KSR2: variants seen among roughly 807,000 people sequenced by gnomAD.
KSR2 encodes kinase suppressor of ras 2.
Under a neutral mutation model 107.8 loss-of-function variants are expected in KSR2, and 25 were observed. The observed-to-expected ratio is 0.23, with a 90% CI of 0.17 to 0.32. KSR2 has a LOEUF of 0.32. Among genes scored for constraint, KSR2 ranks in the 10% least tolerant of loss-of-function variants. The probability of loss-of-function intolerance (pLI) is 1.00; values close to 1 mark genes in which losing one functional copy is unlikely to be tolerated. For synonymous variants in KSR2, 480 were observed against 507.0 expected, an observed-to-expected ratio of 0.95 and a Z score of 0.71; for missense variants, 887 against 1,268.9, an observed-to-expected ratio of 0.70 and a Z score of 4.57.
chr12:117,540,691 A>AGAT (rs765715505), intron 9 of KSR2, among the ~76,000 whole-genome samples: 3,152 of 152,294 alleles, frequency 0.021, 54 homozygotes, highest in Non-Finnish European at 0.033. Context: ...TCATGTGAAG[A>AGAT]TGGAGGGAGA....
rs1874070614 is a variant in KSR2, at chr12:117,512,264, C to T, written c.2219+12588G>A. 2.0e-5 allele frequency among the ~76,000 whole-genome samples: 3 copies of T among 152,194 alleles called. No individual in the cohort carries two copies. In the South Asian group the frequency reaches 6.2e-4, roughly 32 times the overall value. On this transcript the variant is annotated intron_variant, in intron 14 of 19. Transcript: ENST00000339824. The stretch of plus-strand genomic sequence containing the variant: ...ACCAGCCTCTAAGCTGCTGACCACT[C>T]CCCTTGCTGGACACTGAGTGTCCCA...
At chr12:117,935,526 C>A (rs1351376646) in intron 1 of KSR2, among the ~76,000 whole-genome samples, 1 of 152,072 alleles carries the variant, frequency 6.6e-6, no homozygotes, top group East Asian at 1.9e-4. Flanking sequence ...TTTGGGAGGC[C>A]GAGGTGGGTG....
chr12:117,862,272 T>G (rs1418878911), intron 1 of KSR2, among the ~76,000 whole-genome samples: 1 of 152,068 alleles, frequency 6.6e-6, no homozygotes, highest in Non-Finnish European at 1.5e-5. Context: ...TAAAGATAAT[T>G]AAATAAAACA....
At chr12:117,530,892 C>A in intron 12 of KSR2, 49 bp downstream of exon 12, 1 of 1,520,170 alleles carries the variant, frequency 6.6e-7, no homozygotes, top group South Asian at 1.1e-5. Flanking sequence ...ATTGTAGGGC[C>A]AGGGCTGGGA....
intron 14 of KSR2, among the ~76,000 whole-genome samples, chr12:117,502,259 G>A (rs1392662596): frequency 6.6e-6 from 1 of 152,144 alleles, no homozygotes; most frequent in East Asian, 1.9e-4. Context: ...GTGGACTCAC[G>A]TGTGTAGGGG....
At chr12:117,659,700 G>A (rs970217526) in intron 5 of KSR2, among the ~76,000 whole-genome samples, 2 of 152,168 alleles carry the variant, frequency 1.3e-5, no homozygotes, top group Non-Finnish European at 2.9e-5. Flanking sequence ...TGTAAAACAA[G>A]GGGCTGGACT....
intron 5 of KSR2, among the ~76,000 whole-genome samples, chr12:117,646,594 A>C (rs1883654620): frequency 6.6e-6 from 1 of 152,098 alleles, no homozygotes; most frequent in Non-Finnish European, 1.5e-5. Flanking sequence ...CTCCAGCTGG[A>C]AGCAGGCCAA....
intron 4 of KSR2, among the ~76,000 whole-genome samples, chr12:117,743,206 G>A (rs17511270): frequency 0.082 from 12,519 of 152,254 alleles, 601 homozygotes; most frequent in Middle Eastern, 0.15. Context: ...TCATTACACC[G>A]TTTAGGTTTT....
chr12:117,841,880 A>G (rs1420858065), intron 3 of KSR2, among the ~76,000 whole-genome samples: 1 of 152,246 alleles, frequency 6.6e-6, no homozygotes, highest in Non-Finnish European at 1.5e-5. Flanking sequence ...TGAAGAATTA[A>G]ATGAGCAGGT....
chr12:117,753,995 TGTGTG>T (rs1227099436), intron 4 of KSR2, among the ~76,000 whole-genome samples: 8 of 136,336 alleles, frequency 5.9e-5, no homozygotes, highest in Admixed American at 7.5e-5. Context: ...TGTGTGTGTG[TGTGTG>T]TTTTAGGAAT....
Position 117,870,188 on chromosome 12 carries a change from A to T in KSR2, c.181-9757T>A, listed in dbSNP as rs148158337. The stretch of plus-strand genomic sequence containing the variant: ...TTCATCTTAGGAAGCCTTCTAAGTG[A>T]ATTCCCGAATTCTAGCTCTGAGGTT... On this transcript the variant is annotated intron_variant, in intron 1 of 19. Transcript: ENST00000339824. Among the ~76,000 whole-genome samples, 504 of 152,324 alleles carry T rather than the reference A, an allele frequency of 3.3e-3. 5 individuals carry two copies. The highest frequency in any genetic ancestry group is 0.024 in the Middle Eastern group (7 of 294).
intron 14 of KSR2, among the ~76,000 whole-genome samples, chr12:117,517,038 T>A (rs1874418844): frequency 6.6e-6 from 1 of 152,134 alleles, no homozygotes; most frequent in South Asian, 2.1e-4. Context: ...CCATAGGATG[T>A]TCCATGCCCC....
intron 14 of KSR2, among the ~76,000 whole-genome samples, chr12:117,490,343 A>G (rs1332131589): frequency 1.3e-5 from 2 of 152,194 alleles, no homozygotes; most frequent in African/African-American, 2.4e-5. Flanking sequence ...TGTCTGTAAA[A>G]TGGGCACAGC....
chr12:117,650,677 G>A (rs76728061), intron 5 of KSR2, among the ~76,000 whole-genome samples: 4,700 of 152,242 alleles, frequency 0.031, 245 homozygotes, highest in African/African-American at 0.11. Flanking sequence ...GAAAGGCAAG[G>A]AGTTTAGTGA....
At chr12:117,614,173 T>C (rs1881752212) in intron 5 of KSR2, among the ~76,000 whole-genome samples, 2 of 152,170 alleles carry the variant, frequency 1.3e-5, no homozygotes, top group South Asian at 4.1e-4. Context: ...GAATAAGACA[T>C]ATTTTCATAT....
At chr12:117,851,821 G>A (rs1892935737) in intron 3 of KSR2, among the ~76,000 whole-genome samples, 1 of 151,904 alleles carries the variant, frequency 6.6e-6, no homozygotes, top group South Asian at 2.1e-4. Context: ...AATCCAGGAA[G>A]TGGAGTTTGC....
chr12:117,629,470 G>A (rs1471004993), intron 5 of KSR2, among the ~76,000 whole-genome samples: 4 of 152,184 alleles, frequency 2.6e-5, no homozygotes, highest in Non-Finnish European at 5.9e-5. Flanking sequence ...AAAAACATGT[G>A]AAACCAAACG....
At chr12:117,935,713 T>C (rs1240286503) in intron 1 of KSR2, among the ~76,000 whole-genome samples, 1 of 152,094 alleles carries the variant, frequency 6.6e-6, no homozygotes, top group African/African-American at 2.4e-5. Flanking sequence ...TGAGCCAAGA[T>C]TGCGCTACTG....
intron 1 of KSR2, among the ~76,000 whole-genome samples, chr12:117,942,746 C>A (rs192449456): frequency 6.6e-6 from 1 of 151,746 alleles, no homozygotes; most frequent in African/African-American, 2.4e-5. Flanking sequence ...GCAATCCTTC[C>A]GCCTTGGCCT....
Sources: gnomAD v4.1 joint callset for allele counts (sites outside exome capture counted in the v4.1 genomes callset) on GRCh38, gnomAD v4.1.1 for gene constraint, MANE v1.5 for transcripts, NCBI Gene and HGNC (gene_info 2026-07-23, HGNC 2026-07-21) for gene names.